IFNGR2: variants seen among roughly 807,000 people sequenced by gnomAD.
The protein encoded by IFNGR2 is IFN-gamma receptor 2.
Under a neutral mutation model 41.1 loss-of-function variants are expected in IFNGR2, and 15 were observed. That is an observed-to-expected ratio of 0.37 (90% CI 0.24 to 0.56). The LOEUF is 0.56. IFNGR2 is among the 20% of genes least tolerant of loss of function. The probability of loss-of-function intolerance (pLI) is 0.81; values close to 1 mark genes in which losing one functional copy is unlikely to be tolerated. For synonymous variants in IFNGR2, 161 were observed against 171.6 expected, an observed-to-expected ratio of 0.94 and a Z score of 0.48; for missense variants, 362 against 415.7, an observed-to-expected ratio of 0.87 and a Z score of 1.12.
At chr21:33,432,507 C>A in intron 5 of IFNGR2, 171 bp downstream of exon 5, 1 of 845,426 alleles carries the variant, frequency 1.2e-6, no homozygotes, top group Non-Finnish European at 2.0e-6. Context: ...GTAGTGGAGG[C>A]TACCAGACAG....
At position 33,421,502 on chromosome 21, in the gene IFNGR2, G is replaced by C. The variant is rs771171532; in HGVS notation, c.229G>C (p.Ala77Pro). The change falls in exon 3 of 7, where the codon GCC (alanine) becomes CCC (proline). Residue 77 changes from alanine to proline, a missense_variant. Coordinates refer to ENST00000290219, the MANE Select transcript of IFNGR2 (RefSeq NM_005534.4). ...FKYTDSKWFT[A>P]DIMSIGVNCT... ...CAGCACCGACAGTAAATGGTTCACG[G>C]CCGACATCATGTCCATAGGGGTGAA... 6 of 1,613,908 alleles carry C rather than the reference G, an allele frequency of 3.7e-6. No homozygotes were observed. The South Asian group carries it at 6.6e-5, about 18-fold the overall frequency.
chr21:33,418,576 G>C (rs1048255815), intron 2 of IFNGR2, among the ~76,000 whole-genome samples: 1 of 152,024 alleles, frequency 6.6e-6, no homozygotes, highest in South Asian at 2.1e-4. Flanking sequence ...AATTTCCACC[G>C]TGTTTCTCTA....
upstream of IFNGR2, chr21:33,403,155 C>G (rs1168056683): frequency 2.0e-5 from 3 of 152,114 alleles, no homozygotes; most frequent in Non-Finnish European, 4.4e-5. Context: ...CGGGGTCTCG[C>G]GGGGCCCTTC....
intron 1 of IFNGR2, among the ~76,000 whole-genome samples, chr21:33,404,438 T>G (rs1314555586): frequency 2.0e-5 from 3 of 152,060 alleles, no homozygotes; most frequent in Non-Finnish European, 2.9e-5. Flanking sequence ...CAGGCATTTA[T>G]TTATTTTATT....
chr21:33,427,468 GAGA>G (rs1377159782), intron 4 of IFNGR2, among the ~76,000 whole-genome samples: 1 of 152,188 alleles, frequency 6.6e-6, no homozygotes, highest in Non-Finnish European at 1.5e-5. Context: ...GAAACAGAGG[GAGA>G]AAGAGCTTTC....
At chr21:33,411,994 A>G (rs777170129) in intron 1 of IFNGR2, among the ~76,000 whole-genome samples, 2 of 152,196 alleles carry the variant, frequency 1.3e-5, no homozygotes, top group South Asian at 2.1e-4. Flanking sequence ...ATCATAGCAC[A>G]TGCACTACAG....
chr21:33,436,744 AAAT>A (rs2083957568), intron 6 of IFNGR2, 81 bp from the exon 7 acceptor site: 2 of 1,144,592 alleles, frequency 1.7e-6, no homozygotes, highest in Middle Eastern at 2.1e-4. Context: ...AATAAAAATA[AAAT>A]AAAAACAAAA....
At chr21:33,418,781 G>A (rs2083771030) in intron 2 of IFNGR2, among the ~76,000 whole-genome samples, 1 of 151,624 alleles carries the variant, frequency 6.6e-6, no homozygotes, top group Non-Finnish European at 1.5e-5. Flanking sequence ...TAAGAAATCT[G>A]GACTTTTCAC....
chr21:33,415,566 G>A (rs1393529898), intron 2 of IFNGR2, among the ~76,000 whole-genome samples: 3 of 152,182 alleles, frequency 2.0e-5, no homozygotes, highest in African/African-American at 7.2e-5. Flanking sequence ...TAGAAAGAGG[G>A]CAAAGTCCAC....
At chr21:33,419,766 T>G (rs368504150) in intron 2 of IFNGR2, among the ~76,000 whole-genome samples, 2 of 152,308 alleles carry the variant, frequency 1.3e-5, no homozygotes, top group East Asian at 3.9e-4. Flanking sequence ...GGGATGGACT[T>G]ACTTAATGTT....
At chr21:33,419,257 C>T (rs1172277386) in intron 2 of IFNGR2, among the ~76,000 whole-genome samples, 1 of 152,118 alleles carries the variant, frequency 6.6e-6, no homozygotes, top group Non-Finnish European at 1.5e-5. Flanking sequence ...AGGCGCCCGC[C>T]ACCATGCCTG....
At chr21:33,426,055 T>C (rs934251011) in intron 3 of IFNGR2, among the ~76,000 whole-genome samples, 3 of 152,254 alleles carry the variant, frequency 2.0e-5, no homozygotes, top group African/African-American at 7.2e-5. Flanking sequence ...AGTCCTAGCC[T>C]GACCTGTGAA....
At position 33,403,442 on chromosome 21, in the gene IFNGR2, C is replaced by T. The variant is rs1049363076; in HGVS notation, c.-102C>T. On this transcript the variant is annotated 5_prime_UTR_variant, in exon 1 of 7. Coordinates refer to ENST00000290219, the MANE Select transcript of IFNGR2 (RefSeq NM_005534.4). The stretch of plus-strand genomic sequence containing the variant: ...CTCGGGAAGAGGCGGGCCCTGCGCG[C>T]CCTGCGCTCGCCATGGCGGTTTGGG... 7.5e-6 allele frequency: 5 copies of T among 670,150 alleles called. No homozygotes were observed. Among genetic ancestry groups the T allele is most frequent in the Middle Eastern group, 6.2e-4 (1 of 1,616 alleles). The allele number at this position is 670,150 out of a possible 1,614,324, so 41.5% of individuals were successfully genotyped here.
chr21:33,435,882 CAAAAAAAAAA>C (rs35251279), intron 6 of IFNGR2, among the ~76,000 whole-genome samples: 2 of 48,246 alleles, frequency 4.1e-5, no homozygotes, highest in East Asian at 1.4e-3. Flanking sequence ...GACTCCGTCT[CAAAAAAAAAA>C]AAAAAAAAAA....
chr21:33,426,754 G>A (rs1412110285), intron 3 of IFNGR2, 130 bp from the exon 4 acceptor site: 6 of 492,378 alleles, frequency 1.2e-5, no homozygotes, highest in Non-Finnish European at 2.0e-5. Flanking sequence ...AGATAAAAAC[G>A]TGTGTGTATA....
intron 6 of IFNGR2, among the ~76,000 whole-genome samples, chr21:33,436,368 A>G (rs117443072): frequency 0.027 from 4,097 of 152,160 alleles, 62 homozygotes; most frequent in Non-Finnish European, 0.038. Flanking sequence ...AAAAAGAAAA[A>G]TAAGTTATGT....
Position 33,432,889 on chromosome 21 carries a change from T to A in IFNGR2, c.879+18T>A. The A allele has an allele frequency of 7.2e-7, 1 of 1,381,292 alleles. No homozygotes were observed. The highest frequency in any genetic ancestry group is 9.9e-7 in the Non-Finnish European group (1 of 1,005,078). 85.6% of individuals were successfully genotyped at this position (1,381,292 alleles called of 1,614,324 possible). ...TAGAAGAGGTACGTGTGCACACATC[T>A]CTTTTTTTTTTTTTGAGACAGGGTC... On this transcript the variant is annotated intron_variant, in intron 6 of 6. Coordinates refer to ENST00000290219, the MANE Select transcript of IFNGR2 (RefSeq NM_005534.4).
At chr21:33,403,389 TC>T (rs2083654542), upstream of IFNGR2, 3 of 247,762 alleles carry the variant, frequency 1.2e-5, no homozygotes, top group Middle Eastern at 1.7e-3. Flanking sequence ...CCGAGCCGAA[TC>T]CCCTCCACCG....
At position 33,423,035 on chromosome 21, in the gene IFNGR2, ACT is replaced by A. The variant is rs2083806746; in HGVS notation, c.412+1351_412+1352del. 5.1e-5 allele frequency among the ~76,000 whole-genome samples: 6 copies of A among 118,146 alleles called. 1 individual carries two copies. The highest frequency in any genetic ancestry group is 8.4e-5 in the Admixed American group (1 of 11,972). The allele number at this position is 118,146 out of a possible 152,430, so 77.5% of individuals were successfully genotyped here. A position where few individuals can be genotyped will look rare whatever the true frequency, so the allele number is the denominator to read the frequency against. On this transcript the variant is annotated intron_variant, in intron 3 of 6. Coordinates refer to ENST00000290219, the MANE Select transcript of IFNGR2 (RefSeq NM_005534.4). ...AGTGTTTGTTAATGATCTTCCCTCT[ACT>A]TTTTTTTTTTTTTTTTTTTTGAGAC...
Sources: allele counts gnomAD v4.1 joint callset (sites outside exome capture counted in the v4.1 genomes callset), GRCh38; gene constraint gnomAD v4.1.1; transcripts MANE v1.5; gene names NCBI Gene and HGNC (gene_info 2026-07-23, HGNC 2026-07-21).